SLC25A21: variants seen among roughly 807,000 people sequenced by gnomAD.
SLC25A21 encodes the protein mitochondrial 2-oxodicarboxylate carrier.
SLC25A21 carries 47 observed loss-of-function variants against 43.8 expected under a neutral mutation model. The ratio of observed to expected loss-of-function variants is 1.07; its 90% CI spans 0.85 to 1.37. SLC25A21 has a LOEUF of 1.37. SLC25A21 is among the 40% of genes most tolerant of loss of function. The pLI is 0.00. For missense variants in SLC25A21, 352 were observed against 350.2 expected (o/e 1.00, Z -0.04); for synonymous variants, 131 against 121.3 (o/e 1.08, Z -0.52).
intron 1 of SLC25A21, among the ~76,000 whole-genome samples, chr14:37,111,352 T>C (rs1051468321): frequency 3.3e-5 from 5 of 152,114 alleles, no homozygotes; most frequent in South Asian, 2.1e-4. Flanking sequence ...TCGGTGATTA[T>C]GGATGGATGA....
intron 1 of SLC25A21, among the ~76,000 whole-genome samples, chr14:37,014,986 T>A (rs1190565000): frequency 2.0e-5 from 3 of 152,144 alleles, no homozygotes; most frequent in Non-Finnish European, 4.4e-5. Context: ...AGATGTACTG[T>A]CATCCAGGCT....
intron 1 of SLC25A21, among the ~76,000 whole-genome samples, chr14:37,087,061 G>A (rs1962499282): frequency 1.3e-5 from 2 of 152,092 alleles, no homozygotes; most frequent in African/African-American, 2.4e-5. Context: ...AGAGTCCATG[G>A]CCCTCCTGCT....
intron 1 of SLC25A21, among the ~76,000 whole-genome samples, chr14:37,012,896 C>T (rs150691998): frequency 6.6e-6 from 1 of 152,308 alleles, no homozygotes; most frequent in African/African-American, 2.4e-5. Context: ...CATAAATAGT[C>T]TCCAAAGAAG....
intron 1 of SLC25A21, among the ~76,000 whole-genome samples, chr14:37,032,670 CAAA>C (rs3061773): frequency 4.3e-5 from 4 of 93,724 alleles, no homozygotes; most frequent in Non-Finnish European, 4.1e-5. Flanking sequence ...GACTCTGTCT[CAAA>C]AAAAAAAAAA....
chr14:37,009,894 T>C (rs1960692847), intron 1 of SLC25A21, among the ~76,000 whole-genome samples: 1 of 152,162 alleles, frequency 6.6e-6, no homozygotes, highest in Non-Finnish European at 1.5e-5. Flanking sequence ...TTGCAAGCTT[T>C]AAAAAACTTA....
rs1416482281 is a variant in SLC25A21 at position 37,040,218 on chromosome 14, GAAAAAGAA to G, written c.70+132055_70+132062del. On this transcript the variant is annotated intron_variant, in intron 1 of 9. Coordinates refer to ENST00000331299, the MANE Select transcript of SLC25A21 (RefSeq NM_030631.4). ...CCAAGAAGAAAGAAAAAAAGAAAAA[GAAAAAGAA>G]AAAGAAAGGGAGGAAGGGAGGAAGG... is the stretch of plus-strand genomic sequence containing the variant. 1.3e-3 allele frequency among the ~76,000 whole-genome samples: 50 copies of G among 39,518 alleles called. 6 individuals carry two copies. The highest frequency in any genetic ancestry group is 0.011 in the African/African-American group (32 of 2,966). The allele number at this position is 39,518 out of a possible 152,430, so 25.9% of individuals were successfully genotyped here. A position where few individuals can be genotyped will look rare whatever the true frequency, so the allele number is the denominator to read the frequency against.
intron 2 of SLC25A21, among the ~76,000 whole-genome samples, chr14:36,846,210 G>T (rs1017421759): frequency 6.6e-6 from 1 of 152,036 alleles, no homozygotes; most frequent in South Asian, 2.1e-4. Flanking sequence ...AGTTGAGAAA[G>T]AATCTATAAT....
chr14:36,787,359 A>G (rs920209384), intron 3 of SLC25A21, among the ~76,000 whole-genome samples: 1 of 152,220 alleles, frequency 6.6e-6, no homozygotes, highest in African/African-American at 2.4e-5. Context: ...CAGAACTGTC[A>G]TCTTTAATTT....
At chr14:37,060,423 AATG>A (rs555730600) in intron 1 of SLC25A21, among the ~76,000 whole-genome samples, 25 of 136,332 alleles carry the variant, frequency 1.8e-4, no homozygotes, top group East Asian at 4.0e-4. Flanking sequence ...TAATAATAAT[AATG>A]ATGTAACCCA....
chr14:36,730,791 C>T (rs565463706), intron 4 of SLC25A21, among the ~76,000 whole-genome samples: 2 of 152,228 alleles, frequency 1.3e-5, no homozygotes, highest in African/African-American at 4.8e-5. Flanking sequence ...GGGGATGCAA[C>T]AGTAAACAAA....
At position 36,725,476 on chromosome 14, in the gene SLC25A21, AAAATAAATAAATAAATAAATAAAT is replaced by A. The variant is rs10607138; in HGVS notation, c.438+70_438+93del. On this transcript the variant is annotated intron_variant, in intron 6 of 9. Transcript: ENST00000331299. ...GGCAACAAGAGCAAAACTCTGTCCC[AAAATAAATAAATAAATAAATAAAT>A]AAATAAATAAATAAATAAATAAATA... 5.0e-5 allele frequency: 18 copies of A among 358,906 alleles called. 3 individuals carry two copies. The highest frequency in any genetic ancestry group is 2.3e-4 in the Admixed American group (4 of 17,500). 22.2% of individuals were successfully genotyped at this position (358,906 alleles called of 1,614,324 possible). A position where few individuals can be genotyped will look rare whatever the true frequency, so the allele number is the denominator to read the frequency against.
intron 2 of SLC25A21, among the ~76,000 whole-genome samples, chr14:36,840,313 T>A (rs1889346580): frequency 6.6e-6 from 1 of 152,142 alleles, no homozygotes; most frequent in Non-Finnish European, 1.5e-5. Flanking sequence ...GGGAAGAGAC[T>A]TTTTCCAATT....
intron 3 of SLC25A21, among the ~76,000 whole-genome samples, chr14:36,760,183 A>G (rs985360830): frequency 2.6e-5 from 4 of 152,140 alleles, no homozygotes; most frequent in African/African-American, 9.7e-5. Context: ...GGCAGCAGGA[A>G]CTGCCTCCCT....
intron 3 of SLC25A21, among the ~76,000 whole-genome samples, chr14:36,797,131 T>C (rs1228325533): frequency 2.6e-5 from 4 of 152,200 alleles, no homozygotes; most frequent in African/African-American, 4.8e-5. Flanking sequence ...GGAAAAGAAA[T>C]ATTAGTGGTA....
At chr14:37,132,090 G>A (rs1963400838) in intron 1 of SLC25A21, among the ~76,000 whole-genome samples, 1 of 152,156 alleles carries the variant, frequency 6.6e-6, no homozygotes, top group African/African-American at 2.4e-5. Flanking sequence ...ATCCCATGGT[G>A]GAAGGCAGAA....
At chr14:37,046,061 G>A (rs958513047) in intron 1 of SLC25A21, among the ~76,000 whole-genome samples, 1 of 152,198 alleles carries the variant, frequency 6.6e-6, no homozygotes, top group African/African-American at 2.4e-5. Flanking sequence ...GGAATATGAT[G>A]ATCCTCATTT....
intron 7 of SLC25A21, among the ~76,000 whole-genome samples, chr14:36,706,059 C>T (rs1883547413): frequency 6.6e-6 from 1 of 152,118 alleles, no homozygotes; most frequent in Non-Finnish European, 1.5e-5. Context: ...TTGAATCAGG[C>T]TTAGATTACA....
At chr14:36,894,839 C>T (rs148995539) in intron 1 of SLC25A21, among the ~76,000 whole-genome samples, 2,087 of 152,108 alleles carry the variant, frequency 0.014, 43 homozygotes, top group African/African-American at 0.046. Context: ...TGCTGGATTA[C>T]GTTTATTGAT....
At chr14:36,730,627 T>C (rs1276878765) in intron 4 of SLC25A21, among the ~76,000 whole-genome samples, 1 of 152,228 alleles carries the variant, frequency 6.6e-6, no homozygotes, top group Non-Finnish European at 1.5e-5. Context: ...AGAATCGTTT[T>C]ACTATCTGGT....
Sources: gnomAD v4.1 joint callset for allele counts (sites outside exome capture counted in the v4.1 genomes callset) on GRCh38, gnomAD v4.1.1 for gene constraint, MANE v1.5 for transcripts, NCBI Gene and HGNC (gene_info 2026-07-23, HGNC 2026-07-21) for gene names.